CNTNAP2: variants seen among roughly 807,000 people sequenced by gnomAD.
CNTNAP2 encodes contactin associated protein 2.
Under a neutral mutation model 155.2 loss-of-function variants are expected in CNTNAP2, and 98 were observed. The observed-to-expected ratio is 0.63, with a 90% CI of 0.54 to 0.75. CNTNAP2 has a LOEUF of 0.75. Among genes scored for constraint, CNTNAP2 ranks in the 30% least tolerant of loss-of-function variants. The probability of loss-of-function intolerance (pLI) is 0.00; values close to 1 mark genes in which losing one functional copy is unlikely to be tolerated. For synonymous variants in CNTNAP2, 651 were observed against 631.2 expected, an observed-to-expected ratio of 1.03 and a Z score of -0.47; for missense variants, 1,727 against 1,688.1, an observed-to-expected ratio of 1.02 and a Z score of -0.40.
intron 10 of CNTNAP2, among the ~76,000 whole-genome samples, chr7:147,452,089 A>C (rs1232846864): frequency 1.3e-5 from 2 of 152,222 alleles, no homozygotes; most frequent in African/African-American, 4.8e-5. Flanking sequence ...AAATGGACTA[A>C]GATAGTGTAT....
At chr7:147,501,539 A>G (rs927132290) in intron 11 of CNTNAP2, among the ~76,000 whole-genome samples, 1 of 152,204 alleles carries the variant, frequency 6.6e-6, no homozygotes, top group Non-Finnish European at 1.5e-5. Context: ...TGTGAAGCCA[A>G]TGCAATTTGG....
chr7:146,119,297 G>T (rs1400057726), intron 1 of CNTNAP2, among the ~76,000 whole-genome samples: 1 of 151,996 alleles, frequency 6.6e-6, no homozygotes, highest in African/African-American at 2.4e-5. Context: ...TAATATGAGG[G>T]ACAGAAGATG....
chr7:148,401,877 C>T (rs772515389), intron 22 of CNTNAP2, among the ~76,000 whole-genome samples: 2 of 152,186 alleles, frequency 1.3e-5, no homozygotes, highest in Non-Finnish European at 2.9e-5. Context: ...GGATTACAGG[C>T]GTGAGCCACT....
intron 3 of CNTNAP2, among the ~76,000 whole-genome samples, chr7:146,967,795 C>T (rs1007256855): frequency 6.6e-6 from 1 of 151,942 alleles, no homozygotes; most frequent in African/African-American, 2.4e-5. Context: ...ATTGAATACC[C>T]TTTATTTCCT....
At chr7:147,470,081 A>G (rs11981369) in intron 10 of CNTNAP2, among the ~76,000 whole-genome samples, 31,100 of 152,116 alleles carry the variant, frequency 0.2, 3,416 homozygotes, top group East Asian at 0.36. Flanking sequence ...TTAGGGCTCC[A>G]TAGACCATTG....
At chr7:147,943,180 A>G (rs1323783985) in intron 14 of CNTNAP2, among the ~76,000 whole-genome samples, 2 of 152,222 alleles carry the variant, frequency 1.3e-5, no homozygotes, top group Non-Finnish European at 2.9e-5. Context: ...TAAATACAGT[A>G]GGACAATACC....
At chr7:147,919,459 C>CTTTCTTTCTTTCTTTTTTTT (rs58537091) in intron 14 of CNTNAP2, among the ~76,000 whole-genome samples, 3 of 51,238 alleles carry the variant, frequency 5.9e-5, no homozygotes, top group Non-Finnish European at 1.0e-4. Flanking sequence ...CTTTTTCTTT[C>CTTTCTTTCTTTCTTTTTTTT]TTTTTTTTTT....
At chr7:146,929,381 G>C (rs916873978) in intron 3 of CNTNAP2, among the ~76,000 whole-genome samples, 6 of 152,194 alleles carry the variant, frequency 3.9e-5, no homozygotes, top group African/African-American at 9.7e-5. Flanking sequence ...TGAGGGTCCT[G>C]TCTGTTAGAA....
At chr7:147,881,419 G>A (rs753982177) in intron 13 of CNTNAP2, among the ~76,000 whole-genome samples, 4 of 152,166 alleles carry the variant, frequency 2.6e-5, no homozygotes, top group Non-Finnish European at 4.4e-5. Context: ...GAATTATTAT[G>A]AATCCTAGTA....
intron 12 of CNTNAP2, among the ~76,000 whole-genome samples, chr7:147,574,234 C>G (rs1800346416): frequency 6.6e-6 from 1 of 151,968 alleles, no homozygotes; most frequent in African/African-American, 2.4e-5. Flanking sequence ...GATAATAAAA[C>G]ATCTTTTTTT....
At chr7:147,925,520 G>A (rs575489051) in intron 14 of CNTNAP2, among the ~76,000 whole-genome samples, 3 of 151,806 alleles carry the variant, frequency 2.0e-5, no homozygotes, top group Non-Finnish European at 4.4e-5. Context: ...AGGTTGAAGT[G>A]CAGTGGCGTG....
intron 15 of CNTNAP2, among the ~76,000 whole-genome samples, chr7:148,070,511 G>A (rs1803360416): frequency 6.6e-6 from 1 of 152,232 alleles, no homozygotes; most frequent in African/African-American, 2.4e-5. Context: ...GAGGTCAGGA[G>A]TTTGAGACCA....
At chr7:147,934,186 A>T (rs1447231426) in intron 14 of CNTNAP2, among the ~76,000 whole-genome samples, 3 of 151,880 alleles carry the variant, frequency 2.0e-5, no homozygotes, top group Non-Finnish European at 2.9e-5. Context: ...ATCTCATGTT[A>T]CCTGTTCATA....
chr7:147,960,920 G>T (rs372175624), intron 14 of CNTNAP2, among the ~76,000 whole-genome samples: 12 of 152,094 alleles, frequency 7.9e-5, no homozygotes, highest in African/African-American at 1.4e-4. Flanking sequence ...GTAGAAGCCT[G>T]CATGCAGGAA....
At chr7:147,147,786 T>C (rs564203177) in intron 8 of CNTNAP2, among the ~76,000 whole-genome samples, 1 of 152,140 alleles carries the variant, frequency 6.6e-6, no homozygotes, top group East Asian at 1.9e-4. Context: ...TTCCTCTACC[T>C]TTACTAACTT....
chr7:146,357,811 T>C (rs1471096624), intron 1 of CNTNAP2, among the ~76,000 whole-genome samples: 2 of 151,778 alleles, frequency 1.3e-5, no homozygotes, highest in East Asian at 3.9e-4. Flanking sequence ...CAAAAATTGA[T>C]CCCTTGACTT....
intron 13 of CNTNAP2, among the ~76,000 whole-genome samples, chr7:147,720,648 T>G (rs1796552020): frequency 6.6e-6 from 1 of 152,058 alleles, no homozygotes; most frequent in Non-Finnish European, 1.5e-5. Flanking sequence ...CGATAGTAAG[T>G]TCTCAGGAGA....
intron 1 of CNTNAP2, among the ~76,000 whole-genome samples, chr7:146,400,418 T>C (rs1001670150): frequency 5.9e-5 from 9 of 152,304 alleles, no homozygotes; most frequent in African/African-American, 1.9e-4. Context: ...GAGGACTTGA[T>C]GGAAAAGAAA....
chr7:147,928,019 G>T (rs1273143204), intron 14 of CNTNAP2, among the ~76,000 whole-genome samples: 1 of 152,160 alleles, frequency 6.6e-6, no homozygotes, highest in African/African-American at 2.4e-5. Flanking sequence ...GAATTATGGG[G>T]CAGTTTTTCC....
Sources: allele counts gnomAD v4.1 joint callset (sites outside exome capture counted in the v4.1 genomes callset), GRCh38; gene constraint gnomAD v4.1.1; transcripts MANE v1.5; gene names NCBI Gene and HGNC (gene_info 2026-07-23, HGNC 2026-07-21).